HS3ST4: variants seen among roughly 807,000 people sequenced by gnomAD.
HS3ST4 encodes the protein heparan sulfate glucosamine 3-O-sulfotransferase 4.
A neutral mutation model predicts 29.2 loss-of-function variants in HS3ST4; 17 were observed. The ratio of observed to expected loss-of-function variants is 0.58; its 90% CI spans 0.40 to 0.87. The LOEUF is 0.87. HS3ST4 is among the 40% of genes least tolerant of loss of function. HS3ST4 has a pLI of 0.00. For synonymous variants in HS3ST4, 314 were observed against 285.7 expected (o/e 1.10, Z -1.00); for missense variants, 627 against 634.5 (o/e 0.99, Z 0.13).
chr16:25,805,836 C>G (rs950079057), intron 1 of HS3ST4, among the ~76,000 whole-genome samples: 1 of 152,082 alleles, frequency 6.6e-6, no homozygotes, highest in African/African-American at 2.4e-5. Flanking sequence ...AGCTATTTTT[C>G]CTAATGCTCC....
intron 1 of HS3ST4, among the ~76,000 whole-genome samples, chr16:26,126,390 T>C (rs953414457): frequency 6.6e-5 from 10 of 152,226 alleles, no homozygotes; most frequent in African/African-American, 4.8e-5. Flanking sequence ...CAAACACTTA[T>C]ATAGCGCTTA....
Position 25,692,706 on chromosome 16 carries a change from C to T in HS3ST4, c.289C>T (p.Pro97Ser), listed in dbSNP as rs1445801427. 8.1e-7 allele frequency: 1 copy of T among 1,228,472 alleles called. No homozygotes were observed. Among genetic ancestry groups the T allele is most frequent in the Admixed American group, 4.0e-5 (1 of 24,918 alleles). 76.1% of individuals were successfully genotyped at this position (1,228,472 alleles called of 1,614,324 possible). A position where few individuals can be genotyped will look rare whatever the true frequency, so the allele number is the denominator to read the frequency against. Residue 97 changes from proline (P) to serine (S), a missense_variant, in exon 1 of 2, where the codon CCG becomes TCG. Physicochemically the swap from Pro to Ser is moderately conservative, Grantham distance 74. Transcript: ENST00000331351. ...CGTGCGCCTCGGCGCCCCCTCGCAG[C>T]CGCCCGCGCCGCCGCCGCTGGACAA... ...TPVRLGAPSQ[P>S]PAPPPLDNAS...
intron 1 of HS3ST4, among the ~76,000 whole-genome samples, chr16:26,089,934 A>T (rs945335989): frequency 4.6e-5 from 7 of 152,206 alleles, no homozygotes; most frequent in African/African-American, 1.7e-4. Context: ...GAACTGCATG[A>T]GAAAGTGCAT....
intron 1 of HS3ST4, among the ~76,000 whole-genome samples, chr16:25,900,702 T>C (rs1202443342): frequency 6.6e-6 from 1 of 152,076 alleles, no homozygotes; most frequent in East Asian, 1.9e-4. Flanking sequence ...TGCAGGGCAA[T>C]GGTAAAACAT....
At chr16:25,833,240 T>C (rs1398273071) in intron 1 of HS3ST4, among the ~76,000 whole-genome samples, 4 of 152,082 alleles carry the variant, frequency 2.6e-5, no homozygotes, top group Non-Finnish European at 4.4e-5. Flanking sequence ...TAGGATTCCG[T>C]TTTTTTATGG....
chr16:25,906,259 A>C (rs540135120), intron 1 of HS3ST4, among the ~76,000 whole-genome samples: 1 of 152,160 alleles, frequency 6.6e-6, no homozygotes, highest in African/African-American at 2.4e-5. Flanking sequence ...CTTTGTATAC[A>C]GAGATGAAGT....
chr16:25,802,927 ATGTGTGTGTG>A (rs71158967), intron 1 of HS3ST4, among the ~76,000 whole-genome samples: 3,948 of 101,968 alleles, frequency 0.039, 66 homozygotes, highest in African/African-American at 0.054. Context: ...TAAGTTATAT[ATGTGTGTGTG>A]TGTGTGTGTG....
chr16:25,860,048 T>C (rs962952018), intron 1 of HS3ST4, among the ~76,000 whole-genome samples: 1 of 152,186 alleles, frequency 6.6e-6, no homozygotes, highest in Non-Finnish European at 1.5e-5. Context: ...GTGAGCTCCT[T>C]ATGAGAATCT....
chr16:25,705,280 G>A (rs1468216783), intron 1 of HS3ST4, among the ~76,000 whole-genome samples: 1 of 152,174 alleles, frequency 6.6e-6, no homozygotes, highest in Non-Finnish European at 1.5e-5. Context: ...AGAGATTTGG[G>A]AGCCCCTGGA....
intron 1 of HS3ST4, among the ~76,000 whole-genome samples, chr16:25,869,617 A>G (rs1159860975): frequency 6.6e-6 from 1 of 152,192 alleles, no homozygotes; most frequent in African/African-American, 2.4e-5. Flanking sequence ...AAAACCCACC[A>G]TTCAGCCACA....
intron 1 of HS3ST4, among the ~76,000 whole-genome samples, chr16:26,082,747 G>C (rs1247786455): frequency 6.6e-6 from 1 of 152,180 alleles, no homozygotes; most frequent in African/African-American, 2.4e-5. Context: ...TTCAATGGTG[G>C]CTTCATTAGA....
At chr16:25,713,656 T>C (rs1200238757) in intron 1 of HS3ST4, among the ~76,000 whole-genome samples, 1 of 152,196 alleles carries the variant, frequency 6.6e-6, no homozygotes, top group East Asian at 1.9e-4. Context: ...TTCATAGGTA[T>C]GGCGTAAACA....
intron 1 of HS3ST4, among the ~76,000 whole-genome samples, chr16:25,762,605 C>T (rs145713287): frequency 6.6e-6 from 1 of 152,158 alleles, no homozygotes; most frequent in Non-Finnish European, 1.5e-5. Context: ...AACCCCAGCA[C>T]ACCTGCAGTC....
chr16:25,776,317 A>G (rs1022771420), intron 1 of HS3ST4, among the ~76,000 whole-genome samples: 2 of 152,164 alleles, frequency 1.3e-5, no homozygotes, highest in East Asian at 3.9e-4. Context: ...CTCCCATTCT[A>G]TTCAAAGTTA....
At chr16:25,937,927 T>C (rs915520638) in intron 1 of HS3ST4, among the ~76,000 whole-genome samples, 8 of 152,004 alleles carry the variant, frequency 5.3e-5, no homozygotes, top group African/African-American at 9.7e-5. Flanking sequence ...GAGGGCTCTG[T>C]TGGTGGAAAT....
chr16:25,918,781 T>C (rs933301982), intron 1 of HS3ST4, among the ~76,000 whole-genome samples: 2 of 152,084 alleles, frequency 1.3e-5, no homozygotes, highest in Non-Finnish European at 2.9e-5. Context: ...CTCCAGGCTA[T>C]GTGACAGAGC....
chr16:26,014,751 G>GT (rs1478954208), intron 1 of HS3ST4, among the ~76,000 whole-genome samples: 3 of 152,166 alleles, frequency 2.0e-5, no homozygotes, highest in Admixed American at 1.3e-4. Context: ...TCACTGATGA[G>GT]TTTTTAAGTA....
At chr16:25,707,314 A>G (rs1209761214) in intron 1 of HS3ST4, among the ~76,000 whole-genome samples, 5 of 152,206 alleles carry the variant, frequency 3.3e-5, no homozygotes, top group Non-Finnish European at 7.3e-5. Context: ...AGAGACCATA[A>G]TCACGTAACT....
intron 1 of HS3ST4, among the ~76,000 whole-genome samples, chr16:26,067,289 T>C (rs913635658): frequency 2.0e-4 from 31 of 152,230 alleles, no homozygotes; most frequent in Admixed American, 2.0e-3. Flanking sequence ...AGAGAAGTTC[T>C]GAATCAGCAT....
Sources: gnomAD v4.1 joint callset for allele counts (sites outside exome capture counted in the v4.1 genomes callset) on GRCh38, gnomAD v4.1.1 for gene constraint, MANE v1.5 for transcripts, NCBI Gene and HGNC (gene_info 2026-07-23, HGNC 2026-07-21) for gene names.